Variants in MTOR observed in about 807,000 individuals in gnomAD.
MTOR encodes the protein mechanistic target of rapamycin kinase.
In MTOR, 70 loss-of-function variants were observed where a neutral mutation model predicts 319.8. The ratio of observed to expected loss-of-function variants is 0.22; its 90% CI spans 0.18 to 0.27. The LOEUF (loss-of-function observed/expected upper bound fraction) is 0.27. MTOR is among the 10% of genes least tolerant of loss of function. The pLI, the probability that MTOR is intolerant of heterozygous loss-of-function variation, is 1.00. For synonymous variants in MTOR, 1,183 were observed against 1,211.4 expected, an observed-to-expected ratio of 0.98 and a Z score of 0.49; for missense variants, 1,890 against 3,274.4, an observed-to-expected ratio of 0.58 and a Z score of 10.32.
intron 3 of MTOR, among the ~76,000 whole-genome samples, chr1:11,258,144 C>T (rs1402035439): frequency 6.6e-6 from 1 of 151,234 alleles, no homozygotes; most frequent in Admixed American, 6.6e-5. Flanking sequence ...ATTAACTATA[C>T]CGATTCCACT....
In MTOR at chr1:11,259,253, G is replaced by C. The variant is rs754392569; in HGVS notation, c.157C>G (p.Arg53Gly). 1 of 1,613,576 alleles carries C rather than the reference G, an allele frequency of 6.2e-7. No homozygotes were observed. Among genetic ancestry groups the C allele is most frequent in the Non-Finnish European group, 8.5e-7 (1 of 1,179,792 alleles). The stretch of plus-strand genomic sequence containing the variant: ...GCCCCAGATCCCAGAAGCACCTCTC[G>C]GAGTTCCATGGTGACATAGTGCTGG... The part of the protein sequence containing the change: ...ELQHYVTMEL[R>G]EMSQEESTRF... Residue 53 changes from arginine (R) to glycine (G), a missense_variant, in exon 2 of 58, where the codon CGA becomes GGA. By Grantham distance (125) the Arg-to-Gly change is moderately radical (BLOSUM62 -2). Coordinates refer to ENST00000361445, the MANE Select transcript of MTOR (RefSeq NM_004958.4).
At chr1:11,191,802 C>T (rs1335434104) in intron 28 of MTOR, among the ~76,000 whole-genome samples, 1 of 152,044 alleles carries the variant, frequency 6.6e-6, no homozygotes, top group Non-Finnish European at 1.5e-5. Context: ...TGGCAGTAGC[C>T]ACCATCTCTG....
chr1:11,165,230 G>A (rs1644604860), intron 29 of MTOR, among the ~76,000 whole-genome samples: 1 of 152,130 alleles, frequency 6.6e-6, no homozygotes, highest in Non-Finnish European at 1.5e-5. Context: ...TCAACAAAGT[G>A]TTGGAAGTTC....
chr1:11,262,419 G>T (rs1651266794), intron 1 of MTOR, 26 bp downstream of exon 1: 1 of 152,464 alleles, frequency 6.6e-6, no homozygotes, highest in African/African-American at 2.4e-5. Context: ...CCGCCCTAGA[G>T]GGGTCGTGCC....
In MTOR at chr1:11,246,788, G is replaced by C. The variant is rs140472523; in HGVS notation, c.1225+837C>G. On this transcript the variant is annotated intron_variant, in intron 8 of 57. Coordinates refer to ENST00000361445, the MANE Select transcript of MTOR (RefSeq NM_004958.4). ...TGGGTGCCTACACTCAGCAAGTAGA[G>C]AGGTAAGACAAGGACATTAAGTATG... 1.6e-4 allele frequency among the ~76,000 whole-genome samples: 24 copies of C among 152,354 alleles called. No individual in the cohort carries two copies. The East Asian group carries it at 4.6e-3, about 29-fold the overall frequency.
At chr1:11,257,570 A>C (rs1173928846) in intron 3 of MTOR, among the ~76,000 whole-genome samples, 88 of 136,878 alleles carry the variant, frequency 6.4e-4, no homozygotes, top group African/African-American at 2.6e-3. Context: ...CTCAGAGAAA[A>C]AAAAAAAAAA....
At chr1:11,224,874 T>C (rs998679174) in intron 19 of MTOR, among the ~76,000 whole-genome samples, 4 of 152,086 alleles carry the variant, frequency 2.6e-5, no homozygotes, top group African/African-American at 9.7e-5. Context: ...TACTGAGTAA[T>C]AAAGGAAGAA....
rs752561674 is a variant in MTOR, at chr1:11,241,574, G to A, written c.1520C>T (p.Pro507Leu). 6.2e-7 allele frequency: 1 copy of A among 1,613,284 alleles called. No individual in the cohort carries two copies. Among genetic ancestry groups the A allele is most frequent in the Middle Eastern group, 1.7e-4 (1 of 6,004 alleles). The change falls in exon 10 of 58, where the codon CCC becomes CTC. Residue 507 changes from proline to leucine, a missense_variant. Physicochemically the swap from Pro to Leu is moderately conservative, Grantham distance 98 (BLOSUM62 -3). Around this residue, in one of 15 missense-constraint regions of MTOR, gnomAD observed 418 missense variants for 543.1 expected, o/e 0.77. Coordinates refer to ENST00000361445, the MANE Select transcript of MTOR (RefSeq NM_004958.4). ...CCACCTTAGTCCCACTGCCAGCATGGGCTCCAGCAGCTCCTTGATATCCTG... is the reference window on the plus strand; with the variant it reads ...CCACCTTAGTCCCACTGCCAGCATGAGCTCCAGCAGCTCCTTGATATCCTG... ...IQQDIKELLE[P>L]MLAVGLSPAL...
chr1:11,139,486 C>T (rs2100478151), intron 35 of MTOR, 47 bp downstream of exon 35: 1 of 1,614,088 alleles, frequency 6.2e-7, no homozygotes, highest in Non-Finnish European at 8.5e-7. Flanking sequence ...AGCCCAGGGA[C>T]ACCATGGGGC....
At position 11,157,274 on chromosome 1, in the gene MTOR, C is replaced by A. The variant is rs2100568514; in HGVS notation, c.4347G>T (p.Trp1449Cys). ...CCTCCCACTCGTGCAGTTTCTCATACCAGGTAGCCTGGATCTCCTGTTACA... is the reference window on the plus strand; with the variant it reads ...CCTCCCACTCGTGCAGTTTCTCATAACAGGTAGCCTGGATCTCCTGTTACA... The part of the protein sequence containing the change: ...HFGELEIQAT[W>C]YEKLHEWEDA... The change falls in exon 30 of 58, where the codon TGG becomes TGT. Residue 1449 changes from tryptophan (W) to cysteine (C), a missense_variant. Physicochemically the swap from Trp to Cys is radical, Grantham distance 215. Transcript: ENST00000361445. 1 of 1,613,508 alleles carries A rather than the reference C, an allele frequency of 6.2e-7. No individual in the cohort carries two copies. The highest frequency in any genetic ancestry group is 8.5e-7 in the Non-Finnish European group (1 of 1,179,744).
At chr1:11,225,583 G>A (rs1422539019) in intron 19 of MTOR, among the ~76,000 whole-genome samples, 3 of 151,850 alleles carry the variant, frequency 2.0e-5, no homozygotes, top group South Asian at 2.1e-4. Flanking sequence ...CACCATGCCC[G>A]GCTAATTTTT....
intron 26 of MTOR, among the ~76,000 whole-genome samples, chr1:11,203,461 G>A (rs1490360319): frequency 6.6e-6 from 1 of 152,100 alleles, no homozygotes; most frequent in Non-Finnish European, 1.5e-5. Flanking sequence ...GATCACTTGA[G>A]GCCAGGAGTT....
At chr1:11,239,595 G>A (rs1196554033) in intron 11 of MTOR, among the ~76,000 whole-genome samples, 1 of 151,478 alleles carries the variant, frequency 6.6e-6, no homozygotes, top group Non-Finnish European at 1.5e-5. Flanking sequence ...GAACTACACA[G>A]TATGGTACTT....
rs986609413 is a variant in MTOR at position 11,238,008 on chromosome 1, C to T, written c.2043G>A (p.Glu681=). ...CCTGGGCCAGGTGTGCATCAAAGCGCTCGTCCAGGGACGCCAAGACACAGT... is the reference window on the plus strand; with the variant it reads ...CCTGGGCCAGGTGTGCATCAAAGCGTTCGTCCAGGGACGCCAAGACACAGT... ...IRYCVLASLD[E]RFDAHLAQAE... The change falls in exon 13 of 58, where the codon GAG becomes GAA. Residue 681 remains glutamate, a synonymous_variant. Transcript: ENST00000361445. The T allele has an allele frequency of 1.2e-6, 2 of 1,614,250 alleles. No homozygotes were observed. Among genetic ancestry groups the T allele is most frequent in the Non-Finnish European group, 8.5e-7 (1 of 1,180,050 alleles).
At chr1:11,227,023 C>T (rs1023543574) in intron 19 of MTOR, among the ~76,000 whole-genome samples, 25 of 143,808 alleles carry the variant, frequency 1.7e-4, no homozygotes, top group Admixed American at 1.6e-3. Context: ...TCCGGCCAGG[C>T]GTGGTGGCTC....
At chr1:11,195,331 G>T in intron 28 of MTOR, 1 of 270,488 alleles carries the variant, frequency 3.7e-6, no homozygotes, top group Non-Finnish European at 7.0e-6. Context: ...TGATTTGTCT[G>T]TGAAAGAAAA....
At chr1:11,205,987 C>T (rs2300094) in intron 25 of MTOR, among the ~76,000 whole-genome samples, 83,591 of 152,088 alleles carry the variant, frequency 0.55, 26,926 homozygotes, top group East Asian at 0.78. Flanking sequence ...TAAAGAGTTA[C>T]GGATGAATAG....
chr1:11,134,161 AC>A (rs1643295140), intron 37 of MTOR, among the ~76,000 whole-genome samples, 189 bp downstream of exon 37: 2 of 152,188 alleles, frequency 1.3e-5, no homozygotes, highest in South Asian at 4.1e-4. Flanking sequence ...GGGCTGCTGA[AC>A]CTAGGAAAGC....
intron 28 of MTOR, among the ~76,000 whole-genome samples, chr1:11,172,862 C>A (rs77462534): frequency 1.6e-3 from 218 of 133,714 alleles, no homozygotes; most frequent in Middle Eastern, 3.8e-3. Flanking sequence ...GACTCTGTCT[C>A]AAAAAAAAAA....
Sources: gnomAD v4.1 joint callset for allele counts (sites outside exome capture counted in the v4.1 genomes callset) on GRCh38, gnomAD v4.1.1 for gene constraint, gnomAD v4.1.1 regional missense constraint, MANE v1.5 for transcripts, NCBI Gene and HGNC (gene_info 2026-07-23, HGNC 2026-07-21) for gene names.